NYAP2: variants seen among roughly 807,000 people sequenced by gnomAD.
The protein encoded by NYAP2 is neuronal tyrosine-phosphorylated phosphoinositide-3-kinase adaptor 2, also known as neuronal tyrosine-phosphorylated phosphoinositide-3-kinase adapter 2.
NYAP2 carries 23 observed loss-of-function variants against 50.4 expected under a neutral mutation model. That is an observed-to-expected ratio of 0.46 (90% CI 0.33 to 0.65). The LOEUF is 0.65. Among genes scored for constraint, NYAP2 ranks in the 30% least tolerant of loss-of-function variants. NYAP2 has a pLI of 0.02. For missense variants in NYAP2, 885 were observed against 861.0 expected (o/e 1.03, Z -0.35); for synonymous variants, 394 against 365.2 (o/e 1.08, Z -0.90).
At chr2:225,623,821 ATTG>A (rs1372566583) in intron 5 of NYAP2, among the ~76,000 whole-genome samples, 1 of 152,224 alleles carries the variant, frequency 6.6e-6, no homozygotes, top group Non-Finnish European at 1.5e-5. Flanking sequence ...GGCATATTCC[ATTG>A]TTAACTGTAA....
At position 225,514,298 on chromosome 2, in the gene NYAP2, C is replaced by T. The variant is rs529648385; in HGVS notation, c.523+626C>T. On this transcript the variant is annotated intron_variant, in intron 4 of 6. Coordinates refer to ENST00000636099, the Ensembl canonical transcript of NYAP2. ...GATCTCACCAGCTCTTTAGGCCTTA[C>T]TGAATTTAGTAGAGTCTCAGCTTCC... Among the ~76,000 whole-genome samples, 4 of 152,342 alleles carry T rather than the reference C, an allele frequency of 2.6e-5. No individual in the cohort carries two copies. The South Asian group carries it at 8.3e-4, about 32-fold the overall frequency.
Position 225,519,250 on chromosome 2 carries a change from AT to A in NYAP2, c.523+5585del, listed in dbSNP as rs1188080677. 7.9e-5 allele frequency among the ~76,000 whole-genome samples: 12 copies of A among 151,460 alleles called. No homozygotes were observed. In the South Asian group the frequency reaches 2.1e-3, roughly 26 times the overall value. ...TAGTATTTAGTATAAAGAATATTTTATTTTTTTATTTTTTATTTTTTATTTT... is the reference window on the plus strand; with the variant it reads ...TAGTATTTAGTATAAAGAATATTTTATTTTTTATTTTTTATTTTTTATTTT... On this transcript the variant is annotated intron_variant, in intron 4 of 6. Transcript: ENST00000636099.
At chr2:225,411,299 G>A (rs1269143535) in intron 3 of NYAP2, among the ~76,000 whole-genome samples, 1 of 152,194 alleles carries the variant, frequency 6.6e-6, no homozygotes, top group South Asian at 2.1e-4. Flanking sequence ...GTGGCCCTCA[G>A]GTTTGTTCTG....
intron 6 of NYAP2, among the ~76,000 whole-genome samples, chr2:225,627,693 T>C (rs150004311): frequency 4.7e-4 from 72 of 152,354 alleles, no homozygotes; most frequent in African/African-American, 1.7e-3. Context: ...TAATAGAATG[T>C]ACCTTTAAAT....
intron 3 of NYAP2, among the ~76,000 whole-genome samples, chr2:225,470,788 A>G (rs973160708): frequency 9.3e-5 from 14 of 150,536 alleles, no homozygotes; most frequent in East Asian, 5.8e-4. Flanking sequence ...TACAGATCTT[A>G]CATGAAATAT....
intron 4 of NYAP2, among the ~76,000 whole-genome samples, chr2:225,549,503 T>C (rs1156730099): frequency 6.6e-6 from 1 of 152,166 alleles, no homozygotes; most frequent in East Asian, 1.9e-4. Context: ...GAAAGATCAG[T>C]GTAAAGTACT....
intron 5 of NYAP2, among the ~76,000 whole-genome samples, chr2:225,613,194 T>C (rs1316332672): frequency 1.3e-5 from 2 of 152,166 alleles, no homozygotes; most frequent in African/African-American, 4.8e-5. Context: ...CAGGCTTTAG[T>C]CTATGGCTGA....
At chr2:225,621,008 G>A (rs1282373615) in intron 5 of NYAP2, among the ~76,000 whole-genome samples, 1 of 151,992 alleles carries the variant, frequency 6.6e-6, no homozygotes, top group Non-Finnish European at 1.5e-5. Flanking sequence ...CAGCTACTCG[G>A]GAGGCTGAGG....
intron 5 of NYAP2, among the ~76,000 whole-genome samples, chr2:225,587,859 T>C (rs1327653873): frequency 6.6e-6 from 1 of 152,086 alleles, no homozygotes; most frequent in Non-Finnish European, 1.5e-5. Flanking sequence ...TACTCAACCG[T>C]ATTCTACATT....
intron 3 of NYAP2, among the ~76,000 whole-genome samples, chr2:225,487,043 G>C (rs1690312710): frequency 6.6e-6 from 1 of 152,214 alleles, no homozygotes; most frequent in African/African-American, 2.4e-5. Context: ...AGGCCAGCCT[G>C]GTGCTCTTAT....
intron 5 of NYAP2, among the ~76,000 whole-genome samples, chr2:225,590,532 T>A (rs564969504): frequency 1.3e-5 from 2 of 152,242 alleles, no homozygotes; most frequent in Non-Finnish European, 2.9e-5. Context: ...TGATAATCCC[T>A]GGTGATATTT....
intron 6 of NYAP2, among the ~76,000 whole-genome samples, chr2:225,640,803 A>C (rs1211306072): frequency 6.6e-6 from 1 of 152,222 alleles, no homozygotes; most frequent in Admixed American, 6.5e-5. Flanking sequence ...TCATACACAC[A>C]CATATTTCCC....
chr2:225,404,788 A>G (rs1303430692), intron 2 of NYAP2, among the ~76,000 whole-genome samples: 1 of 152,046 alleles, frequency 6.6e-6, no homozygotes, highest in Non-Finnish European at 1.5e-5. Flanking sequence ...ATGATTCTAG[A>G]TACAGTAATC....
chr2:225,601,023 G>A (rs983692826), intron 5 of NYAP2, among the ~76,000 whole-genome samples: 3 of 152,082 alleles, frequency 2.0e-5, no homozygotes, highest in Non-Finnish European at 4.4e-5. Flanking sequence ...TGATGGACAT[G>A]AGTGGTGTAT....
intron 5 of NYAP2, among the ~76,000 whole-genome samples, chr2:225,605,479 T>C (rs1329475411): frequency 6.6e-6 from 1 of 152,152 alleles, no homozygotes; most frequent in Non-Finnish European, 1.5e-5. Context: ...TGATTATCTT[T>C]CTTAATCTGC....
intron 3 of NYAP2, among the ~76,000 whole-genome samples, chr2:225,444,439 A>G (rs1689520612): frequency 6.6e-6 from 1 of 152,204 alleles, no homozygotes; most frequent in Non-Finnish European, 1.5e-5. Flanking sequence ...AAATCTTCCC[A>G]TAAAGATTTG....
chr2:225,485,470 G>C (rs1366261927), intron 3 of NYAP2, among the ~76,000 whole-genome samples: 2 of 152,118 alleles, frequency 1.3e-5, no homozygotes, highest in African/African-American at 4.8e-5. Flanking sequence ...TTTTTAGAAA[G>C]GTTACTTGAG....
chr2:225,539,964 A>G (rs1377222289), intron 4 of NYAP2, among the ~76,000 whole-genome samples: 1 of 152,180 alleles, frequency 6.6e-6, no homozygotes, highest in Non-Finnish European at 1.5e-5. Context: ...TCAAAGTTCC[A>G]CATATCTCTA....
chr2:225,582,434 T>TCCCCCCCCCCCCC lies in NYAP2; in HGVS notation c.1023_1024insCCCCCCCCCCCCC (p.Ala342ProfsTer94). On this transcript the variant is annotated frameshift_variant, in exon 5 of 7. Coordinates refer to ENST00000636099, the Ensembl canonical transcript of NYAP2. LOFTEE classifies it high-confidence loss of function. The surrounding 1 kb of genome is among the most constrained non-coding windows in gnomAD (Gnocchi z 7.0). ...CTCACAGACCCCCGCTGCTGGTATT[T>TCCCCCCCCCCCCC]CCCCCCGCCCCCGTGCATTGCTCCC... 1 of 1,564,564 alleles carries TCCCCCCCCCCCCC rather than the reference T, an allele frequency of 6.4e-7. No individual in the cohort carries two copies. The highest frequency in any genetic ancestry group is 8.7e-7 in the Non-Finnish European group (1 of 1,148,092).
Sources: allele counts gnomAD v4.1 joint callset (sites outside exome capture counted in the v4.1 genomes callset), GRCh38; gene constraint gnomAD v4.1.1; non-coding constraint Gnocchi (gnomAD v3.1); transcripts MANE v1.5; gene names NCBI Gene and HGNC (gene_info 2026-07-23, HGNC 2026-07-21).